CHODL: variants seen among roughly 807,000 people sequenced by gnomAD.
The protein encoded by CHODL is chondrolectin, also known as transmembrane protein MT75.
In CHODL, 29 loss-of-function variants were observed where a neutral mutation model predicts 34.5. The observed-to-expected ratio is 0.84, with a 90% CI of 0.63 to 1.15. The LOEUF (loss-of-function observed/expected upper bound fraction) is 1.15, where lower values mean the gene tolerates loss of function less well. Among genes scored for constraint, CHODL ranks in the 50% most tolerant of loss-of-function variants. CHODL has a pLI of 0.00. For missense variants in CHODL, 332 were observed against 332.5 expected, an observed-to-expected ratio of 1.00 and a Z score of 0.01; for synonymous variants, 125 against 116.1, an observed-to-expected ratio of 1.08 and a Z score of -0.49.
At chr21:18,236,227 C>T (rs2074027617) in intron 2 of CHODL, among the ~76,000 whole-genome samples, 2 of 152,040 alleles carry the variant, frequency 1.3e-5, no homozygotes, top group Admixed American at 6.6e-5. Flanking sequence ...AAGTGGGAAG[C>T]CCCTTATAAA....
At chr21:18,043,678 G>A (rs889661867) in intron 2 of CHODL, among the ~76,000 whole-genome samples, 2 of 151,838 alleles carry the variant, frequency 1.3e-5, no homozygotes, top group Non-Finnish European at 2.9e-5. Flanking sequence ...ACCCACCTAG[G>A]CTGAAAATGA....
At chr21:18,024,924 C>T (rs886566835) in intron 1 of CHODL, among the ~76,000 whole-genome samples, 5 of 152,160 alleles carry the variant, frequency 3.3e-5, no homozygotes, top group African/African-American at 9.7e-5. Context: ...TTTGCATTTA[C>T]ATTACTTAAT....
intron 2 of CHODL, among the ~76,000 whole-genome samples, chr21:18,092,543 T>C (rs903790157): frequency 2.0e-5 from 3 of 152,156 alleles, no homozygotes; most frequent in African/African-American, 7.2e-5. Context: ...AGACAGAGAA[T>C]TCAAAATAGC....
chr21:18,081,552 G>A (rs1444138865), intron 2 of CHODL, among the ~76,000 whole-genome samples: 5 of 151,996 alleles, frequency 3.3e-5, no homozygotes, highest in Admixed American at 2.0e-4. Flanking sequence ...ATGGTGATGC[G>A]TGCCTGTAAT....
chr21:18,079,175 C>T (rs1031467465), intron 2 of CHODL, among the ~76,000 whole-genome samples: 1 of 151,834 alleles, frequency 6.6e-6, no homozygotes, highest in Non-Finnish European at 1.5e-5. Context: ...CTCTGTATGT[C>T]CATGTGTACT....
chr21:17,925,777 C>T (rs991226046), intron 1 of CHODL, among the ~76,000 whole-genome samples: 21 of 152,186 alleles, frequency 1.4e-4, no homozygotes, highest in African/African-American at 5.1e-4. Flanking sequence ...CACACACTTT[C>T]TGAGTTCCTT....
At chr21:17,945,337 T>C (rs894444350) in intron 1 of CHODL, among the ~76,000 whole-genome samples, 5 of 151,356 alleles carry the variant, frequency 3.3e-5, no homozygotes, top group South Asian at 2.1e-4. Flanking sequence ...AATACACAGA[T>C]AGATTTCTAA....
chr21:17,988,650 T>C (rs1411415982), intron 1 of CHODL, among the ~76,000 whole-genome samples: 2 of 140,632 alleles, frequency 1.4e-5, no homozygotes, highest in Admixed American at 7.3e-5. Flanking sequence ...TATGCAGTGT[T>C]TGGTTTTTTG....
intron 2 of CHODL, among the ~76,000 whole-genome samples, chr21:18,101,548 G>T (rs1363608459): frequency 6.6e-6 from 1 of 151,982 alleles, no homozygotes; most frequent in Non-Finnish European, 1.5e-5. Context: ...AAAGGTATAA[G>T]ATAAATTCTT....
intron 2 of CHODL, among the ~76,000 whole-genome samples, chr21:18,108,900 A>G (rs913311848): frequency 6.8e-6 from 1 of 146,476 alleles, no homozygotes; most frequent in Non-Finnish European, 1.5e-5. Flanking sequence ...TTCTCGCACT[A>G]TTTTGTATCA....
chr21:18,175,206 A>G (rs2073291043), intron 2 of CHODL, among the ~76,000 whole-genome samples: 1 of 152,228 alleles, frequency 6.6e-6, no homozygotes, highest in African/African-American at 2.4e-5. Context: ...GATACCCAGT[A>G]AAGGAATCCT....
At chr21:18,115,538 C>T (rs2065401872) in intron 2 of CHODL, among the ~76,000 whole-genome samples, 1 of 152,164 alleles carries the variant, frequency 6.6e-6, no homozygotes, top group African/African-American at 2.4e-5. Flanking sequence ...TTGTAGACAG[C>T]CAAACACACA....
intron 1 of CHODL, among the ~76,000 whole-genome samples, chr21:17,948,110 GACAT>G (rs1440528047): frequency 6.6e-6 from 1 of 152,152 alleles, no homozygotes; most frequent in African/African-American, 2.4e-5. Flanking sequence ...GGTAGACACA[GACAT>G]ACAGAGTGGA....
Position 17,953,881 on chromosome 21 carries a change from G to A in CHODL, c.-145+36481G>A, listed in dbSNP as rs150945438. 8.4e-3 allele frequency among the ~76,000 whole-genome samples: 1,278 copies of A among 151,938 alleles called. 23 individuals carry two copies. The highest frequency in any genetic ancestry group is 0.029 in the African/African-American group (1,210 of 41,444). On this transcript the variant is annotated intron_variant, in intron 1 of 6. Transcript: ENST00000400127. ...AAACATTAGCTGGGTGTGGTGGTGCGTGCCTGTAATCCTAGCTACTCAGGA... is the reference window on the plus strand; with the variant it reads ...AAACATTAGCTGGGTGTGGTGGTGCATGCCTGTAATCCTAGCTACTCAGGA...
intron 1 of CHODL, among the ~76,000 whole-genome samples, chr21:17,951,140 A>G (rs917107131): frequency 1.6e-5 from 2 of 127,678 alleles, no homozygotes; most frequent in African/African-American, 5.7e-5. Flanking sequence ...GTGTGTGTGT[A>G]CAAATCAATG....
intron 2 of CHODL, among the ~76,000 whole-genome samples, chr21:18,049,014 A>T (rs563696303): frequency 1.3e-5 from 2 of 152,066 alleles, no homozygotes; most frequent in East Asian, 3.9e-4. Flanking sequence ...TAAATTTGTA[A>T]ATTGAGATGA....
At chr21:18,106,638 T>C (rs2776082) in intron 2 of CHODL, among the ~76,000 whole-genome samples, 1 of 151,386 alleles carries the variant, frequency 6.6e-6, no homozygotes, top group Non-Finnish European at 1.5e-5. Flanking sequence ...GGGACTACAG[T>C]TGCCCACCAC....
chr21:18,113,900 T>C (rs890600972), intron 2 of CHODL, among the ~76,000 whole-genome samples: 2 of 152,148 alleles, frequency 1.3e-5, no homozygotes, highest in East Asian at 3.9e-4. Flanking sequence ...TAAGTGTCCA[T>C]CAACAGATGA....
intron 1 of CHODL, among the ~76,000 whole-genome samples, chr21:18,249,703 G>T (rs1401581918): frequency 1.3e-5 from 2 of 152,164 alleles, no homozygotes; most frequent in Non-Finnish European, 2.9e-5. Context: ...AAAGCATGGA[G>T]TGTAGAGCCA....
Sources: allele counts gnomAD v4.1 joint callset (sites outside exome capture counted in the v4.1 genomes callset), GRCh38; gene constraint gnomAD v4.1.1; transcripts MANE v1.5; gene names NCBI Gene and HGNC (gene_info 2026-07-23, HGNC 2026-07-21).